Variants in LANCL2 observed in about 807,000 individuals in gnomAD.
LANCL2 encodes LanC like glutathione S-transferase 2.
LANCL2 carries 33 observed loss-of-function variants against 56.9 expected under a neutral mutation model. That is an observed-to-expected ratio of 0.58 (90% CI 0.44 to 0.78). The LOEUF is 0.78. LANCL2 is among the 30% of genes least tolerant of loss of function. LANCL2 has a pLI of 0.00. For missense variants in LANCL2, 562 were observed against 580.2 expected, an observed-to-expected ratio of 0.97 and a Z score of 0.32; for synonymous variants, 233 against 228.2, an observed-to-expected ratio of 1.02 and a Z score of -0.19.
At chr7:55,384,325 G>A (rs1331342370) in intron 1 of LANCL2, among the ~76,000 whole-genome samples, 4 of 152,156 alleles carry the variant, frequency 2.6e-5, no homozygotes, top group African/African-American at 4.8e-5. Context: ...AGGCCGAGGC[G>A]GGTGGATCAC....
intron 8 of LANCL2, among the ~76,000 whole-genome samples, chr7:55,430,541 G>A (rs969987756): frequency 2.0e-5 from 3 of 152,114 alleles, no homozygotes; most frequent in Admixed American, 2.0e-4. Flanking sequence ...GTCTTAATCG[G>A]GTTTTGTTTG....
At chr7:55,393,462 C>T (rs1368930938) in intron 2 of LANCL2, among the ~76,000 whole-genome samples, 2 of 151,970 alleles carry the variant, frequency 1.3e-5, no homozygotes, top group Admixed American at 1.3e-4. Flanking sequence ...AGCCCAGAGG[C>T]GGAGGTTGTA....
chr7:55,430,775 A>T (rs1048754364), intron 8 of LANCL2, among the ~76,000 whole-genome samples: 3 of 152,204 alleles, frequency 2.0e-5, no homozygotes, highest in Non-Finnish European at 4.4e-5. Context: ...TTGAAAACCC[A>T]CTGCTCAATT....
At chr7:55,391,933 A>G (rs760481772) in intron 2 of LANCL2, 23 bp downstream of exon 2, 3 of 1,198,502 alleles carry the variant, frequency 2.5e-6, no homozygotes, top group Non-Finnish European at 3.7e-6. Context: ...GGTCTAAATC[A>G]CTGATACATT....
At chr7:55,387,740 T>G (rs1790140961) in intron 1 of LANCL2, among the ~76,000 whole-genome samples, 1 of 152,158 alleles carries the variant, frequency 6.6e-6, no homozygotes. Context: ...TTCATGAACC[T>G]TTTCATGACT....
chr7:55,370,155 C>T (rs901390093), intron 1 of LANCL2, among the ~76,000 whole-genome samples: 8 of 152,072 alleles, frequency 5.3e-5, no homozygotes, highest in African/African-American at 1.7e-4. Context: ...GGTGGTTAGT[C>T]GGCCTTGCTA....
intron 4 of LANCL2, 76 bp downstream of exon 4, chr7:55,400,180 C>A (rs1790304845): frequency 8.3e-7 from 1 of 1,211,934 alleles, no homozygotes; most frequent in Non-Finnish European, 1.1e-6. Flanking sequence ...GTATTAACAG[C>A]TGGACTTTAC....
chr7:55,367,736 G>A (rs1182673258), intron 1 of LANCL2, among the ~76,000 whole-genome samples: 1 of 152,286 alleles, frequency 6.6e-6, no homozygotes, highest in South Asian at 2.1e-4. Flanking sequence ...AAAACCAAAA[G>A]CAAGCAAACC....
chr7:55,428,322 C>A, intron 7 of LANCL2, 53 bp from the exon 8 acceptor site: 1 of 1,484,612 alleles, frequency 6.7e-7, no homozygotes, highest in Non-Finnish European at 9.4e-7. Context: ...TCATTTATTG[C>A]CTTTTCACCA....
chr7:55,400,993 C>T (rs1312797114), intron 4 of LANCL2, among the ~76,000 whole-genome samples, 181 bp from the exon 5 acceptor site: 1 of 152,040 alleles, frequency 6.6e-6, no homozygotes, highest in Non-Finnish European at 1.5e-5. Context: ...TTCTTTTTGC[C>T]TGCATTTATT....
intron 6 of LANCL2, among the ~76,000 whole-genome samples, chr7:55,423,616 A>G (rs1790631800): frequency 6.6e-6 from 1 of 152,258 alleles, no homozygotes; most frequent in Non-Finnish European, 1.5e-5. Context: ...AATCATAGCC[A>G]GGAAATAGCT....
At chr7:55,403,262 G>A (rs1300255477) in intron 5 of LANCL2, among the ~76,000 whole-genome samples, 8 of 152,264 alleles carry the variant, frequency 5.3e-5, no homozygotes, top group Non-Finnish European at 2.9e-5. Context: ...CCAACACAGC[G>A]AAACCCCGTC....
chr7:55,433,626 T>C lies in LANCL2; in HGVS notation c.*2306T>C, dbSNP rs1386130707. The stretch of plus-strand genomic sequence containing the variant: ...AAAATGTGTCTAAATTTTAAAAATA[T>C]GTACATGCATAATGTCATTTTAAAA... On this transcript the variant is annotated 3_prime_UTR_variant, in exon 9 of 9. Coordinates refer to ENST00000254770, the MANE Select transcript of LANCL2 (RefSeq NM_018697.4). 1.3e-5 allele frequency: 2 copies of C among 152,368 alleles called. No individual in the cohort carries two copies. Among genetic ancestry groups the C allele is most frequent in the South Asian group, 2.1e-4 (1 of 4,824 alleles). 9.4% of individuals were successfully genotyped at this position (152,368 alleles called of 1,614,324 possible).
intron 1 of LANCL2, among the ~76,000 whole-genome samples, chr7:55,372,587 C>A (rs570698184): frequency 6.6e-6 from 1 of 152,126 alleles, no homozygotes; most frequent in African/African-American, 2.4e-5. Flanking sequence ...ACATTCAGAA[C>A]GGTGCTGAGT....
chr7:55,432,181 C>T lies in LANCL2; in HGVS notation c.*861C>T, dbSNP rs983358535. The T allele has an allele frequency of 2.6e-5, 4 of 152,184 alleles. No individual in the cohort carries two copies. Among genetic ancestry groups the T allele is most frequent in the Admixed American group, 6.5e-5 (1 of 15,278 alleles). 9.4% of individuals were successfully genotyped at this position (152,184 alleles called of 1,614,324 possible). On this transcript the variant is annotated 3_prime_UTR_variant, in exon 9 of 9. Transcript: ENST00000254770. Reference sequence around the variant, plus strand: ...CTCAGTTTATCAACATTATAAGTTACTGTTCTAAGAAAAGTAAATACAGTT... The same window carrying T: ...CTCAGTTTATCAACATTATAAGTTATTGTTCTAAGAAAAGTAAATACAGTT...
chr7:55,385,713 G>A (rs886693196), intron 1 of LANCL2, among the ~76,000 whole-genome samples: 12 of 152,082 alleles, frequency 7.9e-5, no homozygotes, highest in Admixed American at 2.6e-4. Context: ...ATGAAGTTTC[G>A]GGCACCATTG....
chr7:55,397,656 C>CTTTTTTTTTTTTTTTTTTTTTTTTT (rs10659615), intron 2 of LANCL2, among the ~76,000 whole-genome samples: 4 of 108,838 alleles, frequency 3.7e-5, no homozygotes, highest in Non-Finnish European at 3.6e-5. Flanking sequence ...TATACTGATT[C>CTTTTTTTTTTTTTTTTTTTTTTTTT]TTTTTTTTTT....
intron 1 of LANCL2, among the ~76,000 whole-genome samples, chr7:55,386,664 A>G (rs1790129592): frequency 6.6e-6 from 1 of 152,176 alleles, no homozygotes; most frequent in Admixed American, 6.5e-5. Flanking sequence ...TGCTCCTACC[A>G]GCATGACTTC....
chr7:55,401,378 T>A lies in LANCL2; in HGVS notation c.825+58T>A, dbSNP rs185788792. ...ATTTGATCAAACATGAAATGGGAAA[T>A]GAATCCTGCATATAAACAAAGCAGT... On this transcript the variant is annotated intron_variant, in intron 5 of 8. Coordinates refer to ENST00000254770, the MANE Select transcript of LANCL2 (RefSeq NM_018697.4). 58 of 1,475,404 alleles carry A rather than the reference T, an allele frequency of 3.9e-5. No homozygotes were observed. In the African/African-American group the frequency reaches 7.4e-4, roughly 19 times the overall value. The allele number at this position is 1,475,404 out of a possible 1,614,324, so 91.4% of individuals were successfully genotyped here. A position where few individuals can be genotyped will look rare whatever the true frequency, so the allele number is the denominator to read the frequency against.
Sources: allele counts gnomAD v4.1 joint callset (sites outside exome capture counted in the v4.1 genomes callset), GRCh38; gene constraint gnomAD v4.1.1; transcripts MANE v1.5; gene names NCBI Gene and HGNC (gene_info 2026-07-23, HGNC 2026-07-21).